Variants in NDUFAF2 observed in about 807,000 individuals in gnomAD.
The protein encoded by NDUFAF2 is NADH:ubiquinone oxidoreductase complex assembly factor 2, also known as NADH dehydrogenase [ubiquinone] 1 alpha subcomplex assembly factor 2.
A neutral mutation model predicts 22.8 loss-of-function variants in NDUFAF2; 13 were observed. The observed-to-expected ratio is 0.57, with a 90% confidence interval of 0.37 to 0.91. The LOEUF (loss-of-function observed/expected upper bound fraction) is 0.91, where lower values mean the gene tolerates loss of function less well. Ranked by LOEUF, NDUFAF2 falls within the 40% of genes least tolerant of loss-of-function variation. The pLI is 0.01. For missense variants in NDUFAF2, 162 were observed against 195.2 expected, an observed-to-expected ratio of 0.83 and a Z score of 1.01; for synonymous variants, 53 against 64.2, an observed-to-expected ratio of 0.83 and a Z score of 0.84.
intron 1 of NDUFAF2, among the ~76,000 whole-genome samples, chr5:60,974,957 A>G (rs1450504679): frequency 6.6e-6 from 1 of 152,054 alleles, no homozygotes; most frequent in Non-Finnish European, 1.5e-5. Context: ...CTGAGATTAC[A>G]GGTGCACACC....
chr5:61,077,362 A>G (rs1752382404), intron 2 of NDUFAF2, among the ~76,000 whole-genome samples: 1 of 152,226 alleles, frequency 6.6e-6, no homozygotes, highest in Non-Finnish European at 1.5e-5. Context: ...GAAGCCAAAT[A>G]TCAAGGAGGA....
intron 1 of NDUFAF2, among the ~76,000 whole-genome samples, chr5:60,956,962 C>CTT (rs3031041): frequency 0.66 from 99,808 of 151,612 alleles, 33,228 homozygotes; most frequent in East Asian, 0.94. Flanking sequence ...ATTAACCAAA[C>CTT]TTTGAGAAAC....
At chr5:61,018,228 C>T (rs1377762673) in intron 1 of NDUFAF2, among the ~76,000 whole-genome samples, 1 of 152,096 alleles carries the variant, frequency 6.6e-6, no homozygotes, top group African/African-American at 2.4e-5. Context: ...TTCCTAACTT[C>T]ACATTTAGTG....
intron 1 of NDUFAF2, among the ~76,000 whole-genome samples, chr5:61,009,121 C>G (rs1035804059): frequency 5.3e-5 from 8 of 151,866 alleles, no homozygotes; most frequent in Non-Finnish European, 1.2e-4. Flanking sequence ...AATTGAAAAT[C>G]GAAAGACAAC....
intron 1 of NDUFAF2, among the ~76,000 whole-genome samples, chr5:61,055,548 A>C (rs1031983798): frequency 2.0e-5 from 3 of 152,228 alleles, no homozygotes; most frequent in African/African-American, 7.2e-5. Flanking sequence ...TTATCTTTCT[A>C]AAGGTAAGAA....
intron 1 of NDUFAF2, among the ~76,000 whole-genome samples, chr5:60,970,564 A>T (rs979671087): frequency 2.6e-5 from 4 of 152,120 alleles, no homozygotes; most frequent in South Asian, 4.1e-4. Flanking sequence ...CTCACAACTT[A>T]ATTTATTTAT....
chr5:60,989,684 G>T (rs1414926370), intron 1 of NDUFAF2, among the ~76,000 whole-genome samples: 1 of 152,178 alleles, frequency 6.6e-6, no homozygotes, highest in African/African-American at 2.4e-5. Context: ...TCTTATGAGT[G>T]GGAGCTAAGT....
chr5:61,093,868 T>G (rs1161078055), intron 2 of NDUFAF2, among the ~76,000 whole-genome samples: 4 of 152,204 alleles, frequency 2.6e-5, no homozygotes, highest in African/African-American at 9.7e-5. Flanking sequence ...TCTAGTAGAA[T>G]TCAGCTATGA....
At chr5:61,132,241 A>G (rs1028762263) in intron 3 of NDUFAF2, among the ~76,000 whole-genome samples, 2 of 152,206 alleles carry the variant, frequency 1.3e-5, no homozygotes, top group African/African-American at 4.8e-5. Context: ...GATTTAGAAC[A>G]GTACCTGGCT....
chr5:60,965,888 G>A (rs1206206076), intron 1 of NDUFAF2, among the ~76,000 whole-genome samples: 1 of 152,120 alleles, frequency 6.6e-6, no homozygotes, highest in African/African-American at 2.4e-5. Context: ...ATACCCAGTA[G>A]TGGGATTGCT....
chr5:60,952,977 G>A (rs1250992116), intron 1 of NDUFAF2, among the ~76,000 whole-genome samples: 1 of 152,046 alleles, frequency 6.6e-6, no homozygotes, highest in African/African-American at 2.4e-5. Flanking sequence ...AGCAAGCTGT[G>A]GGATACCCCC....
Position 61,073,125 on chromosome 5 carries a change from G to T in NDUFAF2, c.128G>T (p.Gly43Val). The T allele has an allele frequency of 6.2e-7, 1 of 1,602,160 alleles. No homozygotes were observed. The highest frequency in any genetic ancestry group is 8.5e-7 in the Non-Finnish European group (1 of 1,169,882). The change falls in exon 2 of 4, where the codon GGA becomes GTA. Residue 43 changes from glycine to valine, a missense_variant and splice_region_variant. Gly to Val is a moderately radical substitution (Grantham distance 109). Coordinates refer to ENST00000296597, the MANE Select transcript of NDUFAF2 (RefSeq NM_174889.5). ...YYIPQYKNWR[G>V]QTIREKRIVE... ...TGTATTAATGACTTTTGTCTTATAGGACAAACTATTCGAGAGAAAAGAATT... is the reference window on the plus strand; with the variant it reads ...TGTATTAATGACTTTTGTCTTATAGTACAAACTATTCGAGAGAAAAGAATT...
chr5:61,127,715 TC>T (rs1429311922), intron 3 of NDUFAF2, among the ~76,000 whole-genome samples: 3 of 152,120 alleles, frequency 2.0e-5, no homozygotes, highest in Admixed American at 2.0e-4. Context: ...CTGGAAGCAT[TC>T]CCTTTGAAAA....
chr5:61,000,058 G>A (rs1339614774), intron 1 of NDUFAF2, among the ~76,000 whole-genome samples: 1 of 151,944 alleles, frequency 6.6e-6, no homozygotes, highest in Non-Finnish European at 1.5e-5. Flanking sequence ...TATGATAAAA[G>A]AAAAAATTAA....
At chr5:61,030,136 C>T (rs536970060) in intron 1 of NDUFAF2, among the ~76,000 whole-genome samples, 1 of 152,174 alleles carries the variant, frequency 6.6e-6, no homozygotes, top group Non-Finnish European at 1.5e-5. Context: ...GTTGGCAGTT[C>T]AGATTGTTAC....
At chr5:61,073,753 A>G (rs1239729881) in intron 2 of NDUFAF2, among the ~76,000 whole-genome samples, 1 of 152,224 alleles carries the variant, frequency 6.6e-6, no homozygotes, top group East Asian at 1.9e-4. Flanking sequence ...TTAAAATAAA[A>G]GATCAAAGGG....
chr5:60,965,659 A>G (rs771479060), intron 1 of NDUFAF2, among the ~76,000 whole-genome samples: 27 of 152,294 alleles, frequency 1.8e-4, no homozygotes, highest in South Asian at 1.7e-3. Flanking sequence ...TTAGCGTAGT[A>G]TCTTCCAGGT....
At chr5:61,067,452 T>C (rs1425170546) in intron 1 of NDUFAF2, among the ~76,000 whole-genome samples, 3 of 151,114 alleles carry the variant, frequency 2.0e-5, no homozygotes, top group Admixed American at 1.3e-4. Flanking sequence ...GAATGATGGT[T>C]TCCAGCTTCA....
intron 3 of NDUFAF2, among the ~76,000 whole-genome samples, chr5:61,127,033 T>G (rs1753045330): frequency 6.6e-6 from 1 of 152,072 alleles, no homozygotes; most frequent in Non-Finnish European, 1.5e-5. Context: ...CTAGAAAATC[T>G]AGAAGAAATG....
Sources: gnomAD v4.1 joint callset for allele counts (sites outside exome capture counted in the v4.1 genomes callset) on GRCh38, gnomAD v4.1.1 for gene constraint, MANE v1.5 for transcripts, NCBI Gene and HGNC (gene_info 2026-07-23, HGNC 2026-07-21) for gene names.